The following CLYBL variants were observed in gnomAD, a reference collection of about 807,000 sequenced individuals.
CLYBL encodes citramalyl-CoA lyase.
Under a neutral mutation model 38.9 loss-of-function variants are expected in CLYBL, and 31 were observed. That is an observed-to-expected ratio of 0.80 (90% CI 0.60 to 1.08). The LOEUF is 1.08. Ranked by LOEUF, CLYBL falls within the 50% of genes least tolerant of loss-of-function variation. The probability of loss-of-function intolerance (pLI) is 0.00; values close to 1 mark genes in which losing one functional copy is unlikely to be tolerated. For missense variants in CLYBL, 434 were observed against 411.6 expected (o/e 1.05, Z -0.47); for synonymous variants, 171 against 158.6 (o/e 1.08, Z -0.59).
chr13:99,676,755 T>C (rs9517826), intron 1 of CLYBL, among the ~76,000 whole-genome samples: 121,484 of 151,892 alleles, frequency 0.8, 48,776 homozygotes, highest in Middle Eastern at 0.84. Flanking sequence ...CACCACTGGG[T>C]GAAAAATGCC....
intron 2 of CLYBL, among the ~76,000 whole-genome samples, chr13:99,777,618 G>A (rs1019038644): frequency 1.3e-5 from 2 of 151,426 alleles, no homozygotes; most frequent in African/African-American, 4.8e-5. Flanking sequence ...TCAGCCTCCC[G>A]AGTAGCTGGG....
downstream of CLYBL, chr13:99,892,723 CA>C (rs1218091879): frequency 1.3e-5 from 2 of 152,372 alleles, no homozygotes; most frequent in Non-Finnish European, 2.9e-5. Flanking sequence ...AAATAGAAAA[CA>C]GTTGTTTTTT....
chr13:99,664,175 C>G (rs1260651590), intron 1 of CLYBL, among the ~76,000 whole-genome samples: 1 of 152,218 alleles, frequency 6.6e-6, no homozygotes, highest in Non-Finnish European at 1.5e-5. Context: ...GTCTCTTCGG[C>G]TCTGGGACCA....
chr13:99,630,263 G>A (rs1324978974), intron 1 of CLYBL, among the ~76,000 whole-genome samples: 1 of 152,116 alleles, frequency 6.6e-6, no homozygotes, highest in Non-Finnish European at 1.5e-5. Context: ...CTGATAAATT[G>A]TCAAATGCCT....
chr13:99,874,410 G>C (rs2051985690), intron 7 of CLYBL, among the ~76,000 whole-genome samples: 1 of 151,954 alleles, frequency 6.6e-6, no homozygotes, highest in South Asian at 2.1e-4. Flanking sequence ...AATTTATAAA[G>C]GATTTTCTTA....
At chr13:99,818,272 T>C (rs893549923) in intron 2 of CLYBL, among the ~76,000 whole-genome samples, 1 of 152,202 alleles carries the variant, frequency 6.6e-6, no homozygotes, top group Non-Finnish European at 1.5e-5. Context: ...GCTGATAGCA[T>C]GTGAGTAGAA....
chr13:99,794,608 T>TTATTATTATTA (rs2049986331), intron 2 of CLYBL, among the ~76,000 whole-genome samples: 1 of 20,468 alleles, frequency 4.9e-5, no homozygotes, highest in Non-Finnish European at 9.2e-5. Flanking sequence ...TATTATTATT[T>TTATTATTATTA]TGAGATGGAG....
intron 1 of CLYBL, among the ~76,000 whole-genome samples, chr13:99,658,258 C>T (rs994550895): frequency 1.3e-5 from 2 of 152,258 alleles, no homozygotes; most frequent in Non-Finnish European, 2.9e-5. Context: ...CGCAGGCCCA[C>T]TCGGGGTGAA....
At chr13:99,789,358 C>T (rs1366134402) in intron 2 of CLYBL, among the ~76,000 whole-genome samples, 3 of 152,226 alleles carry the variant, frequency 2.0e-5, no homozygotes, top group African/African-American at 7.2e-5. Context: ...TCCCTCTACA[C>T]ACTACTTTAA....
intron 1 of CLYBL, among the ~76,000 whole-genome samples, chr13:99,725,706 C>A (rs956307755): frequency 1.4e-4 from 21 of 152,130 alleles, no homozygotes; most frequent in Middle Eastern, 3.2e-3. Context: ...ATTGTAAATG[C>A]AAGGTCTGTT....
At chr13:99,811,845 A>G (rs145592748) in intron 2 of CLYBL, among the ~76,000 whole-genome samples, 1 of 152,238 alleles carries the variant, frequency 6.6e-6, no homozygotes, top group African/African-American at 2.4e-5. Context: ...GGCAACTGGA[A>G]TAACTGAAAT....
At chr13:99,832,066 C>T (rs1420430087) in intron 2 of CLYBL, among the ~76,000 whole-genome samples, 1 of 152,292 alleles carries the variant, frequency 6.6e-6, no homozygotes, top group African/African-American at 2.4e-5. Flanking sequence ...TACTAGCTTC[C>T]AGTCGAGGAT....
At chr13:99,770,443 G>A (rs986680687) in intron 1 of CLYBL, among the ~76,000 whole-genome samples, 4 of 150,714 alleles carry the variant, frequency 2.7e-5, no homozygotes, top group East Asian at 2.0e-4. Context: ...TCAGCCTCCC[G>A]AGCAGCTGGG....
At chr13:99,614,258 C>G (rs2046673468) in intron 1 of CLYBL, among the ~76,000 whole-genome samples, 1 of 152,076 alleles carries the variant, frequency 6.6e-6, no homozygotes, top group South Asian at 2.1e-4. Flanking sequence ...GGAATGGCCT[C>G]CATTCTAGAA....
intron 1 of CLYBL, among the ~76,000 whole-genome samples, chr13:99,651,967 A>G (rs780529067): frequency 1.3e-5 from 2 of 152,190 alleles, no homozygotes; most frequent in African/African-American, 2.4e-5. Context: ...TAAGCAACAG[A>G]CACCACATCT....
intron 8 of CLYBL, among the ~76,000 whole-genome samples, chr13:99,904,494 A>G (rs2052674758): frequency 6.6e-6 from 1 of 152,176 alleles, no homozygotes; most frequent in Non-Finnish European, 1.5e-5. Context: ...CTAATTTTAT[A>G]CACATTCACA....
intron 1 of CLYBL, among the ~76,000 whole-genome samples, chr13:99,607,766 CAG>C (rs1444639944): frequency 3.3e-5 from 5 of 152,258 alleles, no homozygotes; most frequent in East Asian, 3.9e-4. Context: ...TTTTTTGAGA[CAG>C]AGTCTCGGTC....
At chr13:99,761,219 G>A (rs2049158952) in intron 1 of CLYBL, among the ~76,000 whole-genome samples, 1 of 152,190 alleles carries the variant, frequency 6.6e-6, no homozygotes, top group South Asian at 2.1e-4. Flanking sequence ...CGGGCGTGGT[G>A]GCGGGTGCCT....
intron 1 of CLYBL, among the ~76,000 whole-genome samples, chr13:99,640,056 TTTAA>T (rs1351399132): frequency 3.9e-5 from 6 of 152,266 alleles, no homozygotes; most frequent in South Asian, 4.1e-4. Context: ...TAGTTTAGAC[TTTAA>T]TTAAACAGAA....
Sources: allele counts gnomAD v4.1 joint callset (sites outside exome capture counted in the v4.1 genomes callset), GRCh38; gene constraint gnomAD v4.1.1; transcripts MANE v1.5; gene names NCBI Gene and HGNC (gene_info 2026-07-23, HGNC 2026-07-21).